TOMM20L: variants seen among roughly 807,000 people sequenced by gnomAD.
TOMM20L encodes translocase of outer mitochondrial membrane 20 like.
TOMM20L carries 19 observed loss-of-function variants against 20.4 expected under a neutral mutation model. The ratio of observed to expected loss-of-function variants is 0.93; its 90% CI spans 0.65 to 1.36. The LOEUF (loss-of-function observed/expected upper bound fraction) is 1.36. Ranked by LOEUF, TOMM20L falls within the 40% of genes most tolerant of loss-of-function variation. The probability of loss-of-function intolerance (pLI) is 0.00; values close to 1 mark genes in which losing one functional copy is unlikely to be tolerated. For synonymous variants in TOMM20L, 75 were observed against 79.6 expected, an observed-to-expected ratio of 0.94 and a Z score of 0.30; for missense variants, 218 against 203.7, an observed-to-expected ratio of 1.07 and a Z score of -0.43.
intron 2 of TOMM20L, among the ~76,000 whole-genome samples, chr14:58,397,341 C>A (rs1216755215): frequency 6.6e-6 from 1 of 152,018 alleles, no homozygotes; most frequent in African/African-American, 2.4e-5. Context: ...GAACATGTGC[C>A]CATGTGGAAG....
At chr14:58,412,353 G>C (rs1053440505), downstream of TOMM20L, among the ~76,000 whole-genome samples, 66 of 152,272 alleles carry the variant, frequency 4.3e-4, no homozygotes, top group African/African-American at 1.5e-3. Context: ...TGTTGGCAAG[G>C]ATGGTCTCGA....
chr14:58,408,733 T>A, downstream of TOMM20L: 1 of 782,216 alleles, frequency 1.3e-6, no homozygotes, highest in Non-Finnish European at 2.0e-6. Flanking sequence ...GCTTTAAAAT[T>A]AACAGTCACA....
rs2036107743 is a variant in TOMM20L at position 58,408,593 on chromosome 14, A to C, written c.*11A>C. The C allele has an allele frequency of 2.5e-6, 4 of 1,613,318 alleles. No homozygotes were observed. In the East Asian group the frequency reaches 8.9e-5, roughly 36 times the overall value. On this transcript the variant is annotated 3_prime_UTR_variant, in exon 5 of 5. Transcript: ENST00000360945. ...GATGATCCTGATTGAAAAACATTTC[A>C]ACGTATCCACAGTCCAGTGAGAATA... is the stretch of plus-strand genomic sequence containing the variant.
At chr14:58,403,422 C>T (rs942553174) in intron 3 of TOMM20L, among the ~76,000 whole-genome samples, 2 of 152,172 alleles carry the variant, frequency 1.3e-5, no homozygotes, top group Non-Finnish European at 2.9e-5. Flanking sequence ...TTAGAATATT[C>T]TTAATACTTA....
chr14:58,403,234 T>G (rs1594998071), intron 3 of TOMM20L, among the ~76,000 whole-genome samples: 1 of 152,282 alleles, frequency 6.6e-6, no homozygotes, highest in East Asian at 1.9e-4. Flanking sequence ...GGCATGTGCC[T>G]GTAGTCCCAG....
the TOMM20L span, among the ~76,000 whole-genome samples, chr14:58,415,974 G>T: frequency 2.0e-5 from 3 of 152,080 alleles, no homozygotes; most frequent in East Asian, 5.8e-4. Flanking sequence ...CTAGCACTTT[G>T]GGAGGCCAAA....
Position 58,402,766 on chromosome 14 carries a change from G to T in TOMM20L, c.262+5G>T, listed in dbSNP as rs2140302559. The T allele has an allele frequency of 1.2e-6, 2 of 1,601,166 alleles. No homozygotes were observed. The highest frequency in any genetic ancestry group is 1.7e-6 in the Non-Finnish European group (2 of 1,168,958). On this transcript the variant is annotated splice_donor_5th_base_variant and intron_variant, in intron 3 of 4. Coordinates refer to ENST00000360945, the MANE Select transcript of TOMM20L (RefSeq NM_207377.3). ...GAGAACTTTGGTTATCTAGAGGTAAGAATGTAAATGTTCTTTTGTGAGTTA... is the reference window on the plus strand; with the variant it reads ...GAGAACTTTGGTTATCTAGAGGTAATAATGTAAATGTTCTTTTGTGAGTTA...
rs1197687854 is a variant in TOMM20L, at chr14:58,402,664, T to C, written c.181-16T>C. 2 of 1,593,014 alleles carry C rather than the reference T, an allele frequency of 1.3e-6. No individual in the cohort carries two copies. The highest frequency in any genetic ancestry group is 1.7e-5 in the Admixed American group (1 of 59,926). On this transcript the variant is annotated splice_polypyrimidine_tract_variant and intron_variant, in intron 2 of 4. Coordinates refer to ENST00000360945, the MANE Select transcript of TOMM20L (RefSeq NM_207377.3). Reference sequence around the variant, plus strand: ...ACCTTCATTACTCATTGTTGAATATTTTATGAATATTTTAGTTGTGGGATC... The same window carrying C: ...ACCTTCATTACTCATTGTTGAATATCTTATGAATATTTTAGTTGTGGGATC...
At chr14:58,411,766 A>G, downstream of TOMM20L, 1 of 698,074 alleles carries the variant, frequency 1.4e-6, no homozygotes, top group South Asian at 1.7e-5. Context: ...TGAACTCCTG[A>G]CTTCATGTGA....
At chr14:58,412,912 A>G (rs964783242), downstream of TOMM20L, among the ~76,000 whole-genome samples, 3 of 151,982 alleles carry the variant, frequency 2.0e-5, no homozygotes, top group African/African-American at 7.2e-5. Context: ...AATAATAATA[A>G]TAATAATGAT....
At chr14:58,406,047 T>C (rs908284703) in intron 3 of TOMM20L, among the ~76,000 whole-genome samples, 1 of 152,188 alleles carries the variant, frequency 6.6e-6, no homozygotes, top group African/African-American at 2.4e-5. Context: ...TTCTGCAGTC[T>C]TCTTAACTTT....
intron 3 of TOMM20L, among the ~76,000 whole-genome samples, chr14:58,404,950 C>A (rs1169582910): frequency 6.6e-6 from 1 of 151,890 alleles, no homozygotes; most frequent in East Asian, 1.9e-4. Context: ...TTGCATAGGC[C>A]TCTAAGGCCC....
intron 3 of TOMM20L, among the ~76,000 whole-genome samples, chr14:58,404,330 C>T (rs1244002474): frequency 2.5e-4 from 36 of 146,504 alleles, no homozygotes; most frequent in Non-Finnish European, 4.8e-4. Flanking sequence ...GGGGTTTCAC[C>T]GTTTTAGCCG....
chr14:58,412,770 A>G (rs1474982177), downstream of TOMM20L, among the ~76,000 whole-genome samples: 9 of 152,060 alleles, frequency 5.9e-5, no homozygotes, highest in African/African-American at 2.2e-4. Flanking sequence ...ACGTGGTGTC[A>G]TGTGCCTGTG....
chr14:58,414,008 G>GGA, the TOMM20L span, among the ~76,000 whole-genome samples: 2 of 24,172 alleles, frequency 8.3e-5, no homozygotes, highest in Non-Finnish European at 6.4e-5. Context: ...TTCCGTCTCA[G>GGA]AAAAAAAAAA....
chr14:58,408,866 G>A, downstream of TOMM20L: 1 of 952,782 alleles, frequency 1.0e-6, no homozygotes, highest in Non-Finnish European at 1.5e-6. Flanking sequence ...GATTATTCCT[G>A]GTAAATAGCA....
chr14:58,415,833 T>G, the TOMM20L span, among the ~76,000 whole-genome samples: 1 of 152,054 alleles, frequency 6.6e-6, no homozygotes, highest in African/African-American at 2.4e-5. Flanking sequence ...GCAAAAGACA[T>G]AAACCTACAG....
chr14:58,415,364 T>TA, the TOMM20L span, among the ~76,000 whole-genome samples: 1 of 152,018 alleles, frequency 6.6e-6, no homozygotes, highest in African/African-American at 2.4e-5. Context: ...CAAACTGAAT[T>TA]AAAAAAAGAC....
At chr14:58,409,107 C>T, downstream of TOMM20L, 1 of 1,613,880 alleles carries the variant, frequency 6.2e-7, no homozygotes, top group Non-Finnish European at 8.5e-7. Context: ...TTCCTGAAAT[C>T]TCATGGATAT....
Sources: gnomAD v4.1 joint callset for allele counts (sites outside exome capture counted in the v4.1 genomes callset) on GRCh38, gnomAD v4.1.1 for gene constraint, MANE v1.5 for transcripts, NCBI Gene and HGNC (gene_info 2026-07-23, HGNC 2026-07-21) for gene names.